Variants in BRD4 observed in about 807,000 individuals in gnomAD.
The protein encoded by BRD4 is bromodomain containing 4.
In BRD4, 16 loss-of-function variants were observed where a neutral mutation model predicts 142.1. The observed-to-expected ratio is 0.11, with a 90% CI of 0.08 to 0.17. BRD4 has a LOEUF of 0.17. Among genes scored for constraint, BRD4 ranks in the 10% least tolerant of loss-of-function variants. The pLI, the probability that BRD4 is intolerant of heterozygous loss-of-function variation, is 1.00. For missense variants in BRD4, 1,424 were observed against 1,810.9 expected, an observed-to-expected ratio of 0.79 and a Z score of 3.88; for synonymous variants, 833 against 707.5, an observed-to-expected ratio of 1.18 and a Z score of -2.82.
Position 15,243,110 on chromosome 19 carries a change from G to C in BRD4, c.2959C>G (p.Gln987Glu). ...CGTGGAGGGGGCTGATGCTGCTGCT[G>C]GGGTGGAGGCTGGGGCTGGGGTGGT... ...PPPPQPQPPP[Q>E]QQHQPPPRPV... is the part of the protein sequence containing the mutation. The change falls in exon 14 of 20, where the codon CAG (glutamine) becomes GAG (glutamate). Residue 987 changes from glutamine to glutamate, a missense_variant. Physicochemically the swap from Gln to Glu is conservative, Grantham distance 29. Coordinates refer to ENST00000679869, the MANE Select transcript of BRD4 (RefSeq NM_001379291.1). The C allele has an allele frequency of 2.0e-6, 3 of 1,477,364 alleles. No homozygotes were observed. The highest frequency in any genetic ancestry group is 1.8e-6 in the Non-Finnish European group (2 of 1,114,952). 91.5% of individuals were successfully genotyped at this position (1,477,364 alleles called of 1,614,324 possible).
At position 15,243,339 on chromosome 19, in the gene BRD4, T is replaced by C. The variant is rs770610929; in HGVS notation, c.2730A>G (p.Gln910=). Reference sequence around the variant, plus strand: ...GTGGCTCTTCATCCTCCAGCAGCACTTGGGGGGGTTGGGCCATGGGGGGCT... The same window carrying C: ...GTGGCTCTTCATCCTCCAGCAGCACCTGGGGGGGTTGGGCCATGGGGGGCT... The part of the protein sequence containing the change: ...LPQPPMAQPP[Q]VLLEDEEPPA... The change falls in exon 14 of 20, where the codon CAA becomes CAG. Residue 910 remains glutamine, a synonymous_variant. Coordinates refer to ENST00000679869, the MANE Select transcript of BRD4 (RefSeq NM_001379291.1). The C allele has an allele frequency of 9.2e-6, 10 of 1,085,462 alleles. No homozygotes were observed. The highest frequency in any genetic ancestry group is 3.1e-4 in the Middle Eastern group (1 of 3,236). 67.2% of individuals were successfully genotyped at this position (1,085,462 alleles called of 1,614,324 possible). A position where few individuals can be genotyped will look rare whatever the true frequency, so the allele number is the denominator to read the frequency against.
At chr19:15,257,940 A>C (rs2145579022) in intron 7 of BRD4, among the ~76,000 whole-genome samples, 1 of 152,298 alleles carries the variant, frequency 6.6e-6, no homozygotes, top group Admixed American at 6.5e-5. Context: ...GAGCTCAGGG[A>C]ACAGCAGCCA....
chr19:15,249,921 TGAG>T (rs931923639), intron 11 of BRD4, among the ~76,000 whole-genome samples: 1 of 152,160 alleles, frequency 6.6e-6, no homozygotes, highest in East Asian at 1.9e-4. Flanking sequence ...TATACACTGT[TGAG>T]GAGGAGAAAA....
intron 1 of BRD4, among the ~76,000 whole-genome samples, chr19:15,309,583 G>A (rs2047948691): frequency 6.6e-6 from 1 of 152,130 alleles, no homozygotes; most frequent in South Asian, 2.1e-4. Flanking sequence ...AAGAGAAAGG[G>A]AAACATTTCT....
rs780373163 is a variant in BRD4 at position 15,238,834 on chromosome 19, G to A, written c.3929C>T (p.Pro1310Leu). The change falls in exon 19 of 20, where the codon CCA becomes CTA. Residue 1310 changes from proline to leucine, a missense_variant. Coordinates refer to ENST00000679869, the MANE Select transcript of BRD4 (RefSeq NM_001379291.1). This position sits in a 1 kb window ranked among gnomAD's most constrained non-coding sequence, Gnocchi z 7.2. ...CTGGGGCTGGGAGCTCTGGGCCTGT[G>A]GGGTGGCGGCGGCAGCCACCGCAGC... is the stretch of plus-strand genomic sequence containing the variant. ...QAAAVAAAATPQAQSSQPQSM... is the reference protein window; with the variant it reads ...QAAAVAAAATLQAQSSQPQSM... 6.2e-7 allele frequency: 1 copy of A among 1,604,006 alleles called. No homozygotes were observed. Among genetic ancestry groups the A allele is most frequent in the Admixed American group, 1.7e-5 (1 of 59,378 alleles).
intron 1 of BRD4, chr19:15,331,893 CTCACT>C (rs2048163682): frequency 6.8e-6 from 1 of 146,814 alleles, no homozygotes; most frequent in Middle Eastern, 3.2e-3. Context: ...CCTCCTCCTC[CTCACT>C]TAACAAAATG....
In BRD4 at chr19:15,238,938, G is replaced by A; in HGVS notation, c.3825C>T (p.Ala1275=). 6.3e-7 allele frequency: 1 copy of A among 1,597,152 alleles called. No homozygotes were observed. The highest frequency in any genetic ancestry group is 1.1e-5 in the South Asian group (1 of 89,600). The change falls in exon 19 of 20, where the codon GCC becomes GCT. Residue 1275 remains alanine (A), a synonymous_variant. Coordinates refer to ENST00000679869, the MANE Select transcript of BRD4 (RefSeq NM_001379291.1). This position sits in a 1 kb window ranked among gnomAD's most constrained non-coding sequence, Gnocchi z 7.2. ...CCTGGCGCCGACGTGCCTCCTCATG[G>A]GCCCGCCGGGCCTGCTCCAGCGCAT... ...DEDALEQARR[A]HEEARRRQEQ... is the part of the protein sequence containing the mutation.
In BRD4 at chr19:15,238,838, T is replaced by C. The variant is rs755041038; in HGVS notation, c.3925A>G (p.Thr1309Ala). The C allele has an allele frequency of 5.0e-6, 8 of 1,602,818 alleles. No individual in the cohort carries two copies. The Admixed American group carries it at 5.1e-5, about 10-fold the overall frequency. Residue 1309 changes from threonine (T) to alanine (A), a missense_variant, in exon 19 of 20, where the codon ACC (threonine) becomes GCC (alanine). Coordinates refer to ENST00000679869, the MANE Select transcript of BRD4 (RefSeq NM_001379291.1). The surrounding 1 kb of genome is among the most constrained non-coding windows in gnomAD (Gnocchi z 7.2). ...GGCTGGGAGCTCTGGGCCTGTGGGGTGGCGGCGGCAGCCACCGCAGCTGCT... is the reference window on the plus strand; with the variant it reads ...GGCTGGGAGCTCTGGGCCTGTGGGGCGGCGGCGGCAGCCACCGCAGCTGCT... ...QQAAAVAAAA[T>A]PQAQSSQPQS... is the part of the protein sequence containing the mutation.
chr19:15,276,714 G>C (rs1017020262), intron 1 of BRD4, among the ~76,000 whole-genome samples: 3 of 152,210 alleles, frequency 2.0e-5, no homozygotes, highest in African/African-American at 7.2e-5. Flanking sequence ...AAGCAAAACA[G>C]TTCACACTCT....
intron 1 of BRD4, among the ~76,000 whole-genome samples, chr19:15,329,149 G>T (rs559236547): frequency 6.6e-6 from 1 of 151,568 alleles, no homozygotes; most frequent in East Asian, 1.9e-4. Context: ...TTAAATGTCA[G>T]CACCAGCAAG....
chr19:15,237,918 G>A lies in BRD4; in HGVS notation c.*459C>T, dbSNP rs199612127. The A allele has an allele frequency of 4.1e-5, 10 of 243,440 alleles. No individual in the cohort carries two copies. The highest frequency in any genetic ancestry group is 8.0e-5 in the Non-Finnish European group (10 of 124,788). 15.1% of individuals were successfully genotyped at this position (243,440 alleles called of 1,614,324 possible). A position where few individuals can be genotyped will look rare whatever the true frequency, so the allele number is the denominator to read the frequency against. The stretch of plus-strand genomic sequence containing the variant: ...CCTCCAGCCCACGCAGGCCTGCCCT[G>A]GCCTCCTGGGAGCGGGCGGCGATGG... On this transcript the variant is annotated 3_prime_UTR_variant, in exon 20 of 20. Transcript: ENST00000679869.
intron 1 of BRD4, 98 bp from the exon 2 acceptor site, chr19:15,273,231 T>C: frequency 1.6e-6 from 2 of 1,282,820 alleles, no homozygotes; most frequent in South Asian, 3.2e-5. Context: ...AAGGACTGAG[T>C]TCCCTGGCGG....
chr19:15,306,702 A>G (rs1220613181), intron 1 of BRD4, among the ~76,000 whole-genome samples: 1 of 152,174 alleles, frequency 6.6e-6, no homozygotes, highest in Non-Finnish European at 1.5e-5. Context: ...GAGAGGTCTG[A>G]GGAGAGGAAA....
rs1325522948 is a variant in BRD4, at chr19:15,243,282, C to T, written c.2787G>A (p.Gln929=). ...CCTTCTGCAGCTGCTGCAGGTACAGCTGCATCTGCATGGAGGTGAGGGGTG... is the reference window on the plus strand; with the variant it reads ...CCTTCTGCAGCTGCTGCAGGTACAGTTGCATCTGCATGGAGGTGAGGGGTG... The part of the protein sequence containing the change: ...PAPPLTSMQM[Q]LYLQQLQKVQ... Residue 929 remains glutamine (Q), a synonymous_variant, in exon 14 of 20, where the codon CAG becomes CAA. Transcript: ENST00000679869. 2 of 1,476,652 alleles carry T rather than the reference C, an allele frequency of 1.4e-6. No individual in the cohort carries two copies. The highest frequency in any genetic ancestry group is 1.8e-6 in the Non-Finnish European group (2 of 1,113,604). The allele number at this position is 1,476,652 out of a possible 1,614,324, so 91.5% of individuals were successfully genotyped here. A position where few individuals can be genotyped will look rare whatever the true frequency, so the allele number is the denominator to read the frequency against.
intron 11 of BRD4, 61 bp downstream of exon 11, chr19:15,254,091 G>A (rs981621001): frequency 7.1e-6 from 10 of 1,410,344 alleles, no homozygotes; most frequent in Admixed American, 6.8e-5. Flanking sequence ...ACAGGACCGA[G>A]CTAGTGCCAG....
intron 11 of BRD4, chr19:15,247,480 A>G (rs377065778): frequency 1.0e-3 from 234 of 233,086 alleles, no homozygotes; most frequent in African/African-American, 4.7e-3. Flanking sequence ...CACGGGCAAG[A>G]AGGACAGGGT....
chr19:15,321,141 G>C (rs576992496), intron 1 of BRD4, among the ~76,000 whole-genome samples: 1 of 152,236 alleles, frequency 6.6e-6, no homozygotes, highest in African/African-American at 2.4e-5. Context: ...GGCTGAGGCA[G>C]GAGAATTGCT....
intron 1 of BRD4, among the ~76,000 whole-genome samples, chr19:15,325,056 T>C (rs2048095583): frequency 6.6e-6 from 1 of 152,158 alleles, no homozygotes; most frequent in Non-Finnish European, 1.5e-5. Flanking sequence ...CTCTGACCCC[T>C]GGCTTCCTCT....
In BRD4 at chr19:15,238,147, G is replaced by A. The variant is rs201010946; in HGVS notation, c.*230C>T. ...GCTCGTAACAAGGCGTGTGCTGAGC[G>A]GACGTCCTGTGAGGGGTGGTGGGTG... On this transcript the variant is annotated 3_prime_UTR_variant, in exon 20 of 20. Transcript: ENST00000679869. This position sits in a 1 kb window ranked among gnomAD's most constrained non-coding sequence, Gnocchi z 7.2. 10 of 605,024 alleles carry A rather than the reference G, an allele frequency of 1.7e-5. No individual in the cohort carries two copies. The highest frequency in any genetic ancestry group is 2.8e-5 in the Non-Finnish European group (10 of 351,812). 37.5% of individuals were successfully genotyped at this position (605,024 alleles called of 1,614,324 possible). A position where few individuals can be genotyped will look rare whatever the true frequency, so the allele number is the denominator to read the frequency against.
Sources: gnomAD v4.1 joint callset for allele counts (sites outside exome capture counted in the v4.1 genomes callset) on GRCh38, gnomAD v4.1.1 for gene constraint, Gnocchi (gnomAD v3.1) non-coding constraint, MANE v1.5 for transcripts, NCBI Gene and HGNC (gene_info 2026-07-23, HGNC 2026-07-21) for gene names.